The following MGAT4C variants were observed in gnomAD, a reference collection of about 807,000 sequenced individuals.
The protein encoded by MGAT4C is MGAT4 family member C.
A neutral mutation model predicts 40.1 loss-of-function variants in MGAT4C; 19 were observed. The ratio of observed to expected loss-of-function variants is 0.47; its 90% CI spans 0.33 to 0.70. The LOEUF is 0.70. MGAT4C is among the 30% of genes least tolerant of loss of function. The probability of loss-of-function intolerance (pLI) is 0.02; values close to 1 mark genes in which losing one functional copy is unlikely to be tolerated. For synonymous variants in MGAT4C, 181 were observed against 187.1 expected, an observed-to-expected ratio of 0.97 and a Z score of 0.27; for missense variants, 491 against 563.2, an observed-to-expected ratio of 0.87 and a Z score of 1.30.
chr12:86,528,983 A>G (rs1169840125), intron 2 of MGAT4C, among the ~76,000 whole-genome samples: 1 of 152,086 alleles, frequency 6.6e-6, no homozygotes, highest in African/African-American at 2.4e-5. Flanking sequence ...TGAAAAAAAA[A>G]CCACTAAAAG....
At chr12:86,433,290 A>G (rs952096158) in intron 3 of MGAT4C, among the ~76,000 whole-genome samples, 4 of 151,412 alleles carry the variant, frequency 2.6e-5, no homozygotes, top group African/African-American at 7.3e-5. Flanking sequence ...ATAAAATGAT[A>G]TACATATATA....
At chr12:86,623,817 G>T (rs2136492724) in intron 2 of MGAT4C, among the ~76,000 whole-genome samples, 1 of 152,290 alleles carries the variant, frequency 6.6e-6, no homozygotes, top group East Asian at 1.9e-4. Flanking sequence ...TAGGAAGATT[G>T]AGCTTTGTGG....
intron 1 of MGAT4C, among the ~76,000 whole-genome samples, chr12:86,837,913 C>T (rs1189188013): frequency 6.6e-6 from 1 of 152,128 alleles, no homozygotes; most frequent in Non-Finnish European, 1.5e-5. Flanking sequence ...AAGGCTTTCT[C>T]CCATTTTATC....
intron 3 of MGAT4C, among the ~76,000 whole-genome samples, chr12:86,397,736 G>A (rs1473825868): frequency 6.6e-6 from 1 of 152,150 alleles, no homozygotes; most frequent in Non-Finnish European, 1.5e-5. Flanking sequence ...CAAGGTGGGA[G>A]AAGTGCTTGA....
intron 1 of MGAT4C, among the ~76,000 whole-genome samples, chr12:86,127,534 A>G (rs1334499487): frequency 6.6e-6 from 1 of 152,170 alleles, no homozygotes; most frequent in Admixed American, 6.5e-5. Context: ...TCAATAATAG[A>G]TAATTACTTC....
intron 2 of MGAT4C, among the ~76,000 whole-genome samples, chr12:86,641,515 A>G (rs879284512): frequency 6.6e-5 from 10 of 151,766 alleles, no homozygotes; most frequent in Admixed American, 1.3e-4. Context: ...AACTTAAAGT[A>G]TAATAATAAT....
At chr12:86,185,850 C>T (rs1888693785) in intron 1 of MGAT4C, among the ~76,000 whole-genome samples, 1 of 151,852 alleles carries the variant, frequency 6.6e-6, no homozygotes, top group South Asian at 2.1e-4. Flanking sequence ...ATTTCTTAGG[C>T]AAAGAGAAGA....
chr12:86,596,518 A>C (rs778053296), intron 2 of MGAT4C, among the ~76,000 whole-genome samples: 8 of 152,206 alleles, frequency 5.3e-5, no homozygotes, highest in Non-Finnish European at 1.0e-4. Flanking sequence ...CCCAACACAT[A>C]GAACTTATAG....
At chr12:86,465,700 A>T (rs974306591) in intron 2 of MGAT4C, among the ~76,000 whole-genome samples, 1 of 152,166 alleles carries the variant, frequency 6.6e-6, no homozygotes, top group Non-Finnish European at 1.5e-5. Flanking sequence ...AGCCTATTAG[A>T]TGGTCAAAAA....
chr12:86,048,570 A>G (rs868624408), intron 2 of MGAT4C, among the ~76,000 whole-genome samples: 1 of 152,142 alleles, frequency 6.6e-6, no homozygotes, highest in Non-Finnish European at 1.5e-5. Context: ...ATAGATTCAA[A>G]GTAATAAATA....
intron 2 of MGAT4C, among the ~76,000 whole-genome samples, chr12:86,589,502 G>A (rs1757666337): frequency 6.6e-6 from 1 of 151,778 alleles, no homozygotes; most frequent in Admixed American, 6.6e-5. Context: ...CATTCCTTCT[G>A]AAACTATTCC....
intron 2 of MGAT4C, among the ~76,000 whole-genome samples, chr12:86,603,775 TATACTATATAA>T (rs1961931953): frequency 1.4e-5 from 1 of 72,174 alleles, no homozygotes; most frequent in Non-Finnish European, 2.7e-5. Flanking sequence ...TATAATTATA[TATACTATATAA>T]TATATAGTAT....
At chr12:86,381,091 T>C (rs530606547) in intron 3 of MGAT4C, among the ~76,000 whole-genome samples, 1 of 152,078 alleles carries the variant, frequency 6.6e-6, no homozygotes, top group Non-Finnish European at 1.5e-5. Context: ...ACAGTATTCA[T>C]TAAGAGAAAG....
chr12:85,971,258 A>T lies in MGAT4C; in HGVS notation c.*8031T>A, dbSNP rs1005705785. On this transcript the variant is annotated 3_prime_UTR_variant, in exon 5 of 5. Transcript: ENST00000611864. Reference sequence around the variant, plus strand: ...TTTAGTAGTGCATCAGATCAACACTATTGGGCACCCAGTTATTTGGTGGTA... The same window carrying T: ...TTTAGTAGTGCATCAGATCAACACTTTTGGGCACCCAGTTATTTGGTGGTA... 11 of 151,306 alleles carry T rather than the reference A, an allele frequency of 7.3e-5. No individual in the cohort carries two copies. Among genetic ancestry groups the T allele is most frequent in the African/African-American group, 2.7e-4 (11 of 41,378 alleles). The allele number at this position is 151,306 out of a possible 1,614,324, so 9.4% of individuals were successfully genotyped here.
chr12:86,763,642 T>C (rs1042176041), intron 1 of MGAT4C, among the ~76,000 whole-genome samples: 5 of 152,198 alleles, frequency 3.3e-5, no homozygotes, highest in African/African-American at 9.6e-5. Flanking sequence ...CACATTATTT[T>C]GAGCATTTTG....
At chr12:86,552,038 A>G (rs1033255293) in intron 2 of MGAT4C, among the ~76,000 whole-genome samples, 1 of 151,524 alleles carries the variant, frequency 6.6e-6, no homozygotes, top group Non-Finnish European at 1.5e-5. Context: ...AAAAAAAAAA[A>G]AAAACCAAAA....
intron 2 of MGAT4C, among the ~76,000 whole-genome samples, chr12:86,666,890 T>C (rs1964121462): frequency 6.6e-6 from 1 of 152,156 alleles, no homozygotes; most frequent in African/African-American, 2.4e-5. Context: ...GATGAAAACA[T>C]CTTTATTCAA....
chr12:86,438,836 G>A (rs563269419), intron 2 of MGAT4C, among the ~76,000 whole-genome samples: 1 of 151,684 alleles, frequency 6.6e-6, no homozygotes, highest in African/African-American at 2.4e-5. Context: ...TCTCATATCA[G>A]ATGAAACAGA....
chr12:86,296,441 C>T (rs1277268706), intron 4 of MGAT4C, among the ~76,000 whole-genome samples: 1 of 151,964 alleles, frequency 6.6e-6, no homozygotes, highest in South Asian at 2.1e-4. Flanking sequence ...GACTGGGCGC[C>T]GTGGAGCAGG....
Sources: allele counts gnomAD v4.1 joint callset (sites outside exome capture counted in the v4.1 genomes callset), GRCh38; gene constraint gnomAD v4.1.1; transcripts MANE v1.5; gene names NCBI Gene and HGNC (gene_info 2026-07-23, HGNC 2026-07-21).